The following JAKMIP3 variants were observed in gnomAD, a reference collection of about 807,000 sequenced individuals.
The protein encoded by JAKMIP3 is Janus kinase and microtubule interacting protein 3.
In JAKMIP3, 58 loss-of-function variants were observed where a neutral mutation model predicts 118.5. That is an observed-to-expected ratio of 0.49 (90% CI 0.40 to 0.61). The LOEUF is 0.61. JAKMIP3 is among the 20% of genes least tolerant of loss of function. The pLI, the probability that JAKMIP3 is intolerant of heterozygous loss-of-function variation, is 0.00. For missense variants in JAKMIP3, 950 were observed against 1,109.0 expected, an observed-to-expected ratio of 0.86 and a Z score of 2.04; for synonymous variants, 486 against 451.2, an observed-to-expected ratio of 1.08 and a Z score of -0.98.
intron 9 of JAKMIP3, 80 bp downstream of exon 9, chr10:132,138,258 G>A (rs958017244): frequency 9.3e-6 from 12 of 1,291,614 alleles, no homozygotes; most frequent in East Asian, 5.1e-5. Context: ...TGTGGAGAGC[G>A]CTGGTGTGTG....
intron 1 of JAKMIP3, among the ~76,000 whole-genome samples, chr10:132,103,469 CA>C (rs2045400122): frequency 3.6e-5 from 2 of 56,028 alleles, no homozygotes; most frequent in African/African-American, 2.2e-4. Context: ...GGGGGAGGAG[CA>C]GCTGGAGGGG....
In JAKMIP3 at chr10:132,153,929, A is replaced by T. The variant is rs1448874005; in HGVS notation, c.2159A>T (p.Gln720Leu). 1.2e-6 allele frequency: 2 copies of T among 1,613,126 alleles called. No homozygotes were observed. Among genetic ancestry groups the T allele is most frequent in the South Asian group, 1.1e-5 (1 of 91,082 alleles). ...GTGTTTCAGGAGCTGTTCAGTAAGC[A>T]GAAGGGCTACCTGGACGAGGAGCTG... ...LESEKELFSK[Q>L]KGYLDEELDY... The change falls in exon 19 of 24, where the codon CAG (glutamine) becomes CTG (leucine). Residue 720 changes from glutamine to leucine, a missense_variant. Physicochemically the swap from Gln to Leu is moderately radical, Grantham distance 113 (BLOSUM62 -2). Coordinates refer to ENST00000684848, the MANE Select transcript of JAKMIP3 (RefSeq NM_001323087.2).
At chr10:132,116,120 C>T (rs1589849167) in intron 2 of JAKMIP3, among the ~76,000 whole-genome samples, 1 of 152,224 alleles carries the variant, frequency 6.6e-6, no homozygotes, top group Non-Finnish European at 1.5e-5. Context: ...CTTTTCTCCG[C>T]GGTTTCAAAC....
At chr10:132,057,836 G>A (rs946833295) in intron 1 of JAKMIP3, among the ~76,000 whole-genome samples, 2 of 152,228 alleles carry the variant, frequency 1.3e-5, no homozygotes, top group Non-Finnish European at 2.9e-5. Flanking sequence ...CAGCATGAAT[G>A]CAGTGTGTTC....
intron 1 of JAKMIP3, among the ~76,000 whole-genome samples, chr10:132,038,432 T>C (rs115162950): frequency 0.012 from 1,890 of 152,180 alleles, 39 homozygotes; most frequent in African/African-American, 0.043. Flanking sequence ...ATCTAGGAGT[T>C]TGTGGAAAAT....
intron 1 of JAKMIP3, among the ~76,000 whole-genome samples, chr10:132,080,641 C>T (rs1365331626): frequency 6.7e-6 from 1 of 150,360 alleles, no homozygotes; most frequent in African/African-American, 2.5e-5. Context: ...CCTGTCTCAG[C>T]CTTCTGAGTA....
intron 19 of JAKMIP3, among the ~76,000 whole-genome samples, chr10:132,159,822 G>C (rs1252708655): frequency 1.3e-5 from 1 of 76,338 alleles, no homozygotes; most frequent in Non-Finnish European, 2.4e-5. Flanking sequence ...GTGATGCTGG[G>C]GGGCCTCTCC....
chr10:132,131,500 C>CG (rs947486213), intron 3 of JAKMIP3, among the ~76,000 whole-genome samples: 1 of 151,488 alleles, frequency 6.6e-6, no homozygotes, highest in African/African-American at 2.4e-5. Context: ...CTGGGGCACC[C>CG]GGGGGCTCCA....
In JAKMIP3 at chr10:132,094,826, C is replaced by T. The variant is rs553510903; in HGVS notation, c.-137-9846C>T. On this transcript the variant is annotated intron_variant, in intron 1 of 23. Transcript: ENST00000684848. ...GTATATGCCTTTTGTCTTCAGCTAC[C>T]AGGCTGGATGGGGAAGGACCATCAG... Among the ~76,000 whole-genome samples the T allele has an allele frequency of 2.6e-5, 4 of 152,036 alleles. No individual in the cohort carries two copies. In the East Asian group the frequency reaches 5.8e-4, roughly 22 times the overall value.
intron 1 of JAKMIP3, among the ~76,000 whole-genome samples, chr10:132,048,862 G>A (rs2038014722): frequency 6.6e-6 from 1 of 151,890 alleles, no homozygotes; most frequent in Non-Finnish European, 1.5e-5. Context: ...GGATAGTCTC[G>A]ATCTCCTGAC....
rs1266450135 is a variant in JAKMIP3, at chr10:132,137,130, C to G, written c.1228C>G (p.Leu410Val). The change falls in exon 7 of 24, where the codon CTC (leucine) becomes GTC (valine). Residue 410 changes from leucine (L) to valine (V), a missense_variant. By Grantham distance (32) the Leu-to-Val change is conservative. Transcript: ENST00000684848. ...GCTTCAGATTGTGGAGCAGCAAAAC[C>G]TCATAGATGAACTGTCTAAGGTACC... The part of the protein sequence containing the change: ...LKLQIVEQQN[L>V]IDELSKTLET... The G allele has an allele frequency of 1.9e-6, 3 of 1,613,858 alleles. No homozygotes were observed. Among genetic ancestry groups the G allele is most frequent in the Non-Finnish European group, 2.5e-6 (3 of 1,179,894 alleles).
rs541911294 is a variant in JAKMIP3, at chr10:132,167,360, TA to T, written c.*22+306del. The stretch of plus-strand genomic sequence containing the variant: ...TAGCAGAAACATGCAGGACCCTCTC[TA>T]GGGGGTCTTTCTGCTTTGGTGGCAC... On this transcript the variant is annotated intron_variant, in intron 22 of 23. Transcript: ENST00000684848. Among the ~76,000 whole-genome samples the T allele has an allele frequency of 2.9e-4, 44 of 152,268 alleles. No homozygotes were observed. The South Asian group carries it at 9.1e-3, about 32-fold the overall frequency.
intron 11 of JAKMIP3, 136 bp downstream of exon 11, chr10:132,142,184 G>A: frequency 1.0e-6 from 1 of 953,880 alleles, no homozygotes; most frequent in Non-Finnish European, 1.5e-6. Flanking sequence ...CTGCAGTCCT[G>A]GTGGTGCCCA....
intron 3 of JAKMIP3, among the ~76,000 whole-genome samples, chr10:132,132,322 C>A (rs992039216): frequency 9.2e-5 from 14 of 152,156 alleles, no homozygotes; most frequent in Admixed American, 9.2e-4. Flanking sequence ...CTGAGTTGTT[C>A]ATCCCCAAAG....
rs1554963314 is a variant in JAKMIP3 at position 132,180,724 on chromosome 10, TGTGTGC to T, written c.*1104-1627_*1104-1622del. Among the ~76,000 whole-genome samples the T allele has an allele frequency of 2.9e-3, 56 of 19,098 alleles. 11 individuals carry two copies. Among genetic ancestry groups the T allele is most frequent in the African/African-American group, 4.6e-3 (17 of 3,670 alleles). 12.5% of individuals were successfully genotyped at this position (19,098 alleles called of 152,430 possible). A position where few individuals can be genotyped will look rare whatever the true frequency, so the allele number is the denominator to read the frequency against. On this transcript the variant is annotated intron_variant, in intron 23 of 23. Coordinates refer to ENST00000684848, the MANE Select transcript of JAKMIP3 (RefSeq NM_001323087.2). ...GTGTGTGTGCGCGTGTGTGTGCGTG[TGTGTGC>T]GTGTGTGCGTGCGTGCGCGCGCGTG...
chr10:132,131,082 C>T (rs1376038369), intron 3 of JAKMIP3, among the ~76,000 whole-genome samples: 7 of 152,020 alleles, frequency 4.6e-5, no homozygotes, highest in South Asian at 2.1e-4. Context: ...TGGAGAGTAC[C>T]GTCTCAAGGG....
At chr10:132,041,857 T>C (rs978004897) in intron 1 of JAKMIP3, among the ~76,000 whole-genome samples, 1 of 151,656 alleles carries the variant, frequency 6.6e-6, no homozygotes, top group South Asian at 2.1e-4. Context: ...TTCTTTCTTT[T>C]TTCTTTCTTT....
chr10:132,080,871 G>A (rs1011574067), intron 1 of JAKMIP3, among the ~76,000 whole-genome samples: 107 of 152,164 alleles, frequency 7.0e-4, no homozygotes, highest in African/African-American at 2.6e-3. Context: ...TATGAGATAG[G>A]ATTTGCAAAT....
At chr10:132,087,482 A>G (rs1190062095) in intron 1 of JAKMIP3, among the ~76,000 whole-genome samples, 3 of 152,076 alleles carry the variant, frequency 2.0e-5, no homozygotes, top group African/African-American at 7.2e-5. Flanking sequence ...TCTCTTCTTC[A>G]AAAATGCCAA....
Sources: gnomAD v4.1 joint callset for allele counts (sites outside exome capture counted in the v4.1 genomes callset) on GRCh38, gnomAD v4.1.1 for gene constraint, MANE v1.5 for transcripts, NCBI Gene and HGNC (gene_info 2026-07-23, HGNC 2026-07-21) for gene names.